DAB1: variants seen among roughly 807,000 people sequenced by gnomAD.
The protein encoded by DAB1 is DAB adaptor protein 1.
DAB1 carries 15 observed loss-of-function variants against 64.6 expected under a neutral mutation model. That is an observed-to-expected ratio of 0.23 (90% CI 0.16 to 0.36). The LOEUF (loss-of-function observed/expected upper bound fraction) is 0.36. DAB1 is among the 10% of genes least tolerant of loss of function. The probability of loss-of-function intolerance (pLI) is 1.00; values close to 1 mark genes in which losing one functional copy is unlikely to be tolerated. For missense variants in DAB1, 596 were observed against 706.7 expected (o/e 0.84, Z 1.78); for synonymous variants, 235 against 251.9 (o/e 0.93, Z 0.64).
chr1:57,302,760 C>A (rs1210176879), intron 1 of DAB1, among the ~76,000 whole-genome samples: 1 of 152,156 alleles, frequency 6.6e-6, no homozygotes, highest in Non-Finnish European at 1.5e-5. Flanking sequence ...CATGATGCTG[C>A]ACCCAGCTTG....
chr1:57,062,287 G>A (rs764994614), intron 9 of DAB1, among the ~76,000 whole-genome samples: 6 of 152,078 alleles, frequency 3.9e-5, no homozygotes, highest in South Asian at 2.1e-4. Flanking sequence ...AAATTTTCAC[G>A]CTTTGGCTGA....
chr1:57,326,789 C>A (rs948788721), intron 1 of DAB1, among the ~76,000 whole-genome samples: 2 of 152,090 alleles, frequency 1.3e-5, no homozygotes, highest in African/African-American at 4.8e-5. Flanking sequence ...AGAGTACCAT[C>A]CTCAGACCTC....
chr1:57,153,140 C>T lies in DAB1; in HGVS notation c.68-7711G>A, dbSNP rs1659855635. Among the ~76,000 whole-genome samples the T allele has an allele frequency of 2.6e-5, 4 of 152,166 alleles. No homozygotes were observed. The South Asian group carries it at 8.3e-4, about 32-fold the overall frequency. ...TCCCGGGTTCGAGCGATTCTCGTGC[C>T]TCAGCCACCCGAATCACTGGGATTA... On this transcript the variant is annotated intron_variant, in intron 2 of 14. Transcript: ENST00000371236.
At chr1:57,968,871 T>C (rs1411484100) in intron 5 of DAB1, among the ~76,000 whole-genome samples, 1 of 152,172 alleles carries the variant, frequency 6.6e-6, no homozygotes, top group Non-Finnish European at 1.5e-5. Context: ...GCTATAACTC[T>C]AGTTCTTTCT....
chr1:57,580,708 T>G (rs1408109309), intron 7 of DAB1, among the ~76,000 whole-genome samples: 4 of 152,180 alleles, frequency 2.6e-5, no homozygotes, highest in Non-Finnish European at 5.9e-5. Flanking sequence ...TTATAATAAT[T>G]GCAGCTACTC....
chr1:57,844,130 A>C (rs996977844), intron 1 of DAB1, among the ~76,000 whole-genome samples: 1 of 152,224 alleles, frequency 6.6e-6, no homozygotes, highest in African/African-American at 2.4e-5. Context: ...CTTAAGACCC[A>C]AAATCTTCTT....
At chr1:57,705,405 T>A (rs879548756) in intron 6 of DAB1, among the ~76,000 whole-genome samples, 15 of 152,180 alleles carry the variant, frequency 9.9e-5, no homozygotes, top group Non-Finnish European at 2.1e-4. Context: ...TTAGTCTATT[T>A]ACATATGGCT....
chr1:57,898,690 T>G (rs74074587), intron 5 of DAB1, among the ~76,000 whole-genome samples: 2,017 of 152,316 alleles, frequency 0.013, 48 homozygotes, highest in African/African-American at 0.046. Flanking sequence ...CCTGTTGAGT[T>G]ACTTGGTGTC....
intron 4 of DAB1, among the ~76,000 whole-genome samples, chr1:58,296,495 A>T (rs1479425046): frequency 6.6e-6 from 1 of 152,184 alleles, no homozygotes; most frequent in Non-Finnish European, 1.5e-5. Flanking sequence ...GGCAAAGTGC[A>T]GCTCATGCAT....
At chr1:57,132,659 A>T (rs1210164290) in intron 4 of DAB1, among the ~76,000 whole-genome samples, 1 of 152,130 alleles carries the variant, frequency 6.6e-6, no homozygotes, top group Non-Finnish European at 1.5e-5. Flanking sequence ...AAAAACTCTA[A>T]AATTTGAAAC....
chr1:57,659,452 C>T (rs774743940), intron 6 of DAB1, among the ~76,000 whole-genome samples: 1 of 152,086 alleles, frequency 6.6e-6, no homozygotes, highest in Non-Finnish European at 1.5e-5. Flanking sequence ...TAGGCCGGAA[C>T]GTACCAGGAG....
intron 5 of DAB1, among the ~76,000 whole-genome samples, chr1:58,054,527 T>A (rs879675060): frequency 1.3e-5 from 2 of 152,178 alleles, no homozygotes; most frequent in East Asian, 3.9e-4. Context: ...ATCTCCTAAC[T>A]GCAATGAACG....
At chr1:57,282,637 A>G (rs1672008850) in intron 2 of DAB1, among the ~76,000 whole-genome samples, 1 of 152,202 alleles carries the variant, frequency 6.6e-6, no homozygotes, top group African/African-American at 2.4e-5. Context: ...CAGAGAATAC[A>G]GAAGTCTCTT....
intron 7 of DAB1, among the ~76,000 whole-genome samples, chr1:57,549,032 T>C (rs762655085): frequency 1.1e-4 from 17 of 152,190 alleles, no homozygotes; most frequent in Non-Finnish European, 2.2e-4. Context: ...TCCAGTGTTT[T>C]ATATTGCCTC....
chr1:57,558,982 A>G (rs1645020838), intron 7 of DAB1, among the ~76,000 whole-genome samples: 1 of 152,172 alleles, frequency 6.6e-6, no homozygotes, highest in African/African-American at 2.4e-5. Flanking sequence ...TCTTCTCCAT[A>G]TGTCGGGTCT....
chr1:57,626,257 T>C (rs1645921946), intron 7 of DAB1, among the ~76,000 whole-genome samples: 1 of 152,150 alleles, frequency 6.6e-6, no homozygotes, highest in Admixed American at 6.5e-5. Flanking sequence ...AAGGAGATGA[T>C]GGTCAGTGCT....
chr1:57,583,071 C>A (rs1033976679), intron 7 of DAB1, among the ~76,000 whole-genome samples: 1 of 152,172 alleles, frequency 6.6e-6, no homozygotes, highest in Non-Finnish European at 1.5e-5. Flanking sequence ...GAACTCAGAG[C>A]ACTGAAATTA....
chr1:58,244,802 G>C (rs897355666), intron 4 of DAB1, among the ~76,000 whole-genome samples: 2 of 152,124 alleles, frequency 1.3e-5, no homozygotes, highest in African/African-American at 4.8e-5. Flanking sequence ...CTATTCCTAG[G>C]ATCGTTAGGA....
chr1:57,536,088 C>A (rs770479855), intron 7 of DAB1, among the ~76,000 whole-genome samples: 2 of 152,130 alleles, frequency 1.3e-5, no homozygotes, highest in Admixed American at 6.5e-5. Flanking sequence ...CTAGGCCTGT[C>A]CTCCTTTGAT....
Sources: gnomAD v4.1 joint callset for allele counts (sites outside exome capture counted in the v4.1 genomes callset) on GRCh38, gnomAD v4.1.1 for gene constraint, MANE v1.5 for transcripts, NCBI Gene and HGNC (gene_info 2026-07-23, HGNC 2026-07-21) for gene names.